Variants in NEK7 observed in about 807,000 individuals in gnomAD.
The protein encoded by NEK7 is serine/threonine-protein kinase Nek7.
A neutral mutation model predicts 44.6 loss-of-function variants in NEK7; 18 were observed. The observed-to-expected ratio is 0.40, with a 90% confidence interval of 0.28 to 0.60. The LOEUF (loss-of-function observed/expected upper bound fraction) is 0.60. Among genes scored for constraint, NEK7 ranks in the 20% least tolerant of loss-of-function variants. The pLI, the probability that NEK7 is intolerant of heterozygous loss-of-function variation, is 0.38. For synonymous variants in NEK7, 130 were observed against 121.1 expected (o/e 1.07, Z -0.48); for missense variants, 256 against 366.5 (o/e 0.70, Z 2.46).
intron 9 of NEK7, among the ~76,000 whole-genome samples, chr1:198,307,296 TCAA>T (rs1655047048): frequency 6.6e-6 from 1 of 152,140 alleles, no homozygotes; most frequent in African/African-American, 2.4e-5. Flanking sequence ...AGCAGTGTCT[TCAA>T]CATCAATTTT....
chr1:198,319,821 A>C lies in NEK7; in HGVS notation c.*299A>C. 1 of 219,086 alleles carries C rather than the reference A, an allele frequency of 4.6e-6. No individual in the cohort carries two copies. Among genetic ancestry groups the C allele is most frequent in the Admixed American group, 5.2e-5 (1 of 19,112 alleles). 13.6% of individuals were successfully genotyped at this position (219,086 alleles called of 1,614,324 possible). On this transcript the variant is annotated 3_prime_UTR_variant, in exon 10 of 10. Coordinates refer to ENST00000367385, the MANE Select transcript of NEK7 (RefSeq NM_133494.3). ...TTTTCTGCTGATAAATTGTGTTTAG[A>C]TAGACTGTCAGTGCCAAATATTGAA... is the stretch of plus-strand genomic sequence containing the variant.
Position 198,265,738 on chromosome 1 carries a change from T to C in NEK7, c.372+1503T>C, listed in dbSNP as rs140366719. Among the ~76,000 whole-genome samples the C allele has an allele frequency of 6.6e-5, 10 of 152,250 alleles. No homozygotes were observed. The East Asian group carries it at 1.9e-3, about 29-fold the overall frequency. On this transcript the variant is annotated intron_variant, in intron 5 of 9. Transcript: ENST00000367385. ...TCTAACTTATAGCACGCTGGCTTCC[T>C]GCATTGTTTAGTGTAGATAAAGAGT...
chr1:198,314,954 G>A (rs531639922), intron 9 of NEK7, among the ~76,000 whole-genome samples: 1 of 152,360 alleles, frequency 6.6e-6, no homozygotes, highest in South Asian at 2.1e-4. Context: ...GCTGTGGTGA[G>A]CTCCACCCAG....
intron 7 of NEK7, among the ~76,000 whole-genome samples, chr1:198,288,644 A>G (rs1654453474): frequency 6.6e-6 from 1 of 152,210 alleles, no homozygotes; most frequent in African/African-American, 2.4e-5. Context: ...CTAAAGCAGT[A>G]TAATAATTGA....
At chr1:198,307,522 A>G (rs983858378) in intron 9 of NEK7, among the ~76,000 whole-genome samples, 7 of 152,126 alleles carry the variant, frequency 4.6e-5, no homozygotes, top group African/African-American at 1.4e-4. Flanking sequence ...TTAATTCTCA[A>G]CAAGAATTTC....
At chr1:198,234,596 A>G (rs1666493666) in intron 2 of NEK7, among the ~76,000 whole-genome samples, 1 of 152,210 alleles carries the variant, frequency 6.6e-6, no homozygotes, top group Admixed American at 6.5e-5. Context: ...CCAACCAGGA[A>G]AGGTCGGAGT....
intron 3 of NEK7, among the ~76,000 whole-genome samples, chr1:198,254,097 A>G (rs981923822): frequency 6.6e-6 from 1 of 151,748 alleles, no homozygotes; most frequent in Non-Finnish European, 1.5e-5. Context: ...TCTTAAGATG[A>G]TTAGTATACT....
intron 3 of NEK7, chr1:198,256,374 C>G (rs1653264688): frequency 1.2e-6 from 2 of 1,611,708 alleles, no homozygotes; most frequent in Admixed American, 1.7e-5. Flanking sequence ...GCGCTAAATG[C>G]ATGTTACTTC....
intron 1 of NEK7, among the ~76,000 whole-genome samples, chr1:198,201,446 T>C (rs1665426942): frequency 6.6e-6 from 1 of 152,210 alleles, no homozygotes; most frequent in African/African-American, 2.4e-5. Flanking sequence ...TATGTCCCTT[T>C]ATATATTTTT....
intron 1 of NEK7, among the ~76,000 whole-genome samples, chr1:198,162,350 T>C (rs915721540): frequency 6.6e-6 from 1 of 152,198 alleles, no homozygotes; most frequent in Admixed American, 6.5e-5. Context: ...CTCTTCTCTT[T>C]ATCTGACCCT....
intron 2 of NEK7, among the ~76,000 whole-genome samples, chr1:198,249,936 A>G (rs1349927516): frequency 1.4e-5 from 2 of 147,248 alleles, no homozygotes; most frequent in East Asian, 2.0e-4. Flanking sequence ...TTGGTGTTTT[A>G]GACATGAAGT....
intron 8 of NEK7, 132 bp from the exon 9 acceptor site, chr1:198,296,995 A>G (rs1654734622): frequency 5.3e-6 from 3 of 568,764 alleles, no homozygotes; most frequent in Non-Finnish European, 8.9e-6. Context: ...GGATATTCAT[A>G]AAAATCAAAA....
intron 7 of NEK7, among the ~76,000 whole-genome samples, chr1:198,289,137 G>T (rs4495737): frequency 1.9e-5 from 1 of 52,628 alleles, no homozygotes; most frequent in Non-Finnish European, 2.9e-5. Context: ...GAAGTTGTGT[G>T]TGTGTGTGTG....
chr1:198,271,469 G>T (rs1368041081), intron 5 of NEK7, among the ~76,000 whole-genome samples: 2 of 151,882 alleles, frequency 1.3e-5, no homozygotes, highest in East Asian at 1.9e-4. Flanking sequence ...TAAAAATCTT[G>T]TTCACATACT....
chr1:198,235,302 T>C (rs1338970490), intron 2 of NEK7, among the ~76,000 whole-genome samples: 1 of 152,172 alleles, frequency 6.6e-6, no homozygotes, highest in Admixed American at 6.5e-5. Flanking sequence ...TGTTTTGTTT[T>C]AGAATGTGAG....
At chr1:198,300,990 A>G (rs1654865601) in intron 9 of NEK7, among the ~76,000 whole-genome samples, 1 of 152,196 alleles carries the variant, frequency 6.6e-6, no homozygotes, top group Non-Finnish European at 1.5e-5. Context: ...CCATTTCAGT[A>G]TTTAATTTCT....
chr1:198,158,300 C>T (rs1663980397), intron 1 of NEK7, among the ~76,000 whole-genome samples: 2 of 152,142 alleles, frequency 1.3e-5, no homozygotes, highest in Admixed American at 1.3e-4. Context: ...TGATTATTCT[C>T]CTTTGAGGTT....
chr1:198,224,499 G>A (rs558272759), intron 1 of NEK7, among the ~76,000 whole-genome samples: 25 of 152,192 alleles, frequency 1.6e-4, no homozygotes, highest in African/African-American at 4.3e-4. Flanking sequence ...TGTCCTCTTC[G>A]TTGAGCAACA....
chr1:198,195,837 C>T (rs1218804804), intron 1 of NEK7, among the ~76,000 whole-genome samples: 5 of 151,668 alleles, frequency 3.3e-5, no homozygotes, highest in Non-Finnish European at 5.9e-5. Flanking sequence ...AAATTTAACC[C>T]GAATATGCAC....
Sources: allele counts gnomAD v4.1 joint callset (sites outside exome capture counted in the v4.1 genomes callset), GRCh38; gene constraint gnomAD v4.1.1; transcripts MANE v1.5; gene names NCBI Gene and HGNC (gene_info 2026-07-23, HGNC 2026-07-21).